The following NIPBL variants were observed in gnomAD, a reference collection of about 807,000 sequenced individuals.
NIPBL encodes the protein NIPBL cohesin loading factor.
Under a neutral mutation model 321.8 loss-of-function variants are expected in NIPBL, and 19 were observed. The ratio of observed to expected loss-of-function variants is 0.06; its 90% CI spans 0.04 to 0.09. The LOEUF (loss-of-function observed/expected upper bound fraction) is 0.09, where lower values mean the gene tolerates loss of function less well. Ranked by LOEUF, NIPBL falls within the 10% of genes least tolerant of loss-of-function variation. NIPBL has a pLI of 1.00. For missense variants in NIPBL, 2,210 were observed against 3,327.0 expected (o/e 0.66, Z 8.26); for synonymous variants, 1,106 against 1,114.1 (o/e 0.99, Z 0.14).
chr5:36,897,752 AT>A (rs1380740854), intron 1 of NIPBL, among the ~76,000 whole-genome samples: 1 of 152,202 alleles, frequency 6.6e-6, no homozygotes, highest in East Asian at 1.9e-4. Flanking sequence ...TGTTGCGGAA[AT>A]AAATAAATGC....
chr5:36,959,125 T>C (rs1277251751), intron 4 of NIPBL, among the ~76,000 whole-genome samples: 1 of 152,172 alleles, frequency 6.6e-6, no homozygotes, highest in African/African-American at 2.4e-5. Context: ...GAAGATCGCT[T>C]GAGCTCAGGA....
chr5:36,999,050 G>A (rs1746485227), intron 11 of NIPBL, among the ~76,000 whole-genome samples: 1 of 152,156 alleles, frequency 6.6e-6, no homozygotes, highest in Non-Finnish European at 1.5e-5. Flanking sequence ...AGATTAGCTA[G>A]AAGAGTCCAG....
chr5:36,971,793 C>T, intron 7 of NIPBL, 152 bp from the exon 8 acceptor site: 2 of 1,449,802 alleles, frequency 1.4e-6, no homozygotes. Context: ...CTAAGATATA[C>T]CAAGAAGAAA....
At chr5:36,903,477 T>C (rs752030428) in intron 1 of NIPBL, among the ~76,000 whole-genome samples, 1 of 152,192 alleles carries the variant, frequency 6.6e-6, no homozygotes, top group Non-Finnish European at 1.5e-5. Flanking sequence ...ATTATTTTCA[T>C]ATTGTAATTA....
chr5:36,938,948 A>G (rs994807865), intron 1 of NIPBL, among the ~76,000 whole-genome samples: 2 of 152,102 alleles, frequency 1.3e-5, no homozygotes, highest in African/African-American at 2.4e-5. Flanking sequence ...TCAACTTACT[A>G]TTCTATCACT....
intron 1 of NIPBL, among the ~76,000 whole-genome samples, chr5:36,931,887 A>G (rs1052668806): frequency 6.6e-6 from 1 of 151,558 alleles, no homozygotes; most frequent in Non-Finnish European, 1.5e-5. Flanking sequence ...GTATGGAAGC[A>G]TAAATACTGA....
intron 21 of NIPBL, 129 bp from the exon 22 acceptor site, chr5:37,014,554 A>G (rs1440301710): frequency 3.3e-6 from 2 of 609,102 alleles, no homozygotes; most frequent in Admixed American, 2.8e-5. Context: ...CTCTTATTAT[A>G]TATAATGTAA....
intron 22 of NIPBL, 79 bp from the exon 23 acceptor site, chr5:37,015,959 A>G (rs889309531): frequency 1.0e-4 from 151 of 1,449,868 alleles, no homozygotes; most frequent in Non-Finnish European, 1.4e-4. Flanking sequence ...TTAGCTAACA[A>G]TTTCAATCAT....
chr5:36,897,862 C>A (rs1580173944), intron 1 of NIPBL, among the ~76,000 whole-genome samples: 3 of 131,928 alleles, frequency 2.3e-5, no homozygotes, highest in Middle Eastern at 4.9e-3. Context: ...TTCAGTAGTG[C>A]ATCTGGAAAG....
At chr5:36,917,194 C>T (rs1748530597) in intron 1 of NIPBL, among the ~76,000 whole-genome samples, 1 of 150,952 alleles carries the variant, frequency 6.6e-6, no homozygotes, top group African/African-American at 2.4e-5. Flanking sequence ...GATCGCCATT[C>T]TAATTGGTAT....
Position 36,958,009 on chromosome 5 carries a change from T to C in NIPBL, c.231-95T>C, listed in dbSNP as rs1012529515. 43 of 1,266,400 alleles carry C rather than the reference T, an allele frequency of 3.4e-5. 1 individual carries two copies. The Admixed American group carries it at 6.7e-4, about 20-fold the overall frequency. 78.4% of individuals were successfully genotyped at this position (1,266,400 alleles called of 1,614,324 possible). ...AAAAAAAAAAAAAAAAAATTCATAT[T>C]GTTGGCCATACCAGTGTGATTTACT... On this transcript the variant is annotated intron_variant, in intron 3 of 46. Coordinates refer to ENST00000282516, the MANE Select transcript of NIPBL (RefSeq NM_133433.4).
At chr5:36,963,416 C>T (rs1741847291) in intron 6 of NIPBL, among the ~76,000 whole-genome samples, 1 of 152,118 alleles carries the variant, frequency 6.6e-6, no homozygotes. Context: ...AAACAGCTAA[C>T]TCTGGTTTCC....
chr5:36,970,561 AT>A (rs1742744131), intron 6 of NIPBL, among the ~76,000 whole-genome samples: 1 of 151,940 alleles, frequency 6.6e-6, no homozygotes. Context: ...TAGCAAAGGT[AT>A]AAAGATAACA....
chr5:36,959,068 A>G (rs556864341), intron 4 of NIPBL, among the ~76,000 whole-genome samples: 2 of 152,230 alleles, frequency 1.3e-5, no homozygotes, highest in South Asian at 4.1e-4. Context: ...CTAGCCAGGC[A>G]TTATGGTGTG....
At chr5:37,036,335 GTATATATATATGTATA>G in intron 32 of NIPBL, 28 bp from the exon 33 acceptor site, 2 of 456,850 alleles carry the variant, frequency 4.4e-6, no homozygotes, top group Non-Finnish European at 6.3e-6. Context: ...TTTCTTTTTT[GTATATATATATGTATA>G]TATATATATA....
chr5:37,003,143 T>C (rs990381646), intron 15 of NIPBL, 118 bp from the exon 16 acceptor site: 20 of 682,998 alleles, frequency 2.9e-5, no homozygotes, highest in Non-Finnish European at 4.7e-5. Context: ...TCTTACTCTT[T>C]AAGAGGGTGA....
chr5:37,017,608 CT>C (rs60984195), intron 24 of NIPBL, among the ~76,000 whole-genome samples: 350 of 131,934 alleles, frequency 2.7e-3, no homozygotes, highest in Admixed American at 3.1e-3. Context: ...TGTTTTATTG[CT>C]TTTTTTTTTT....
chr5:36,941,817 A>G lies in NIPBL; in HGVS notation c.-79-11801A>G, dbSNP rs143189450. Among the ~76,000 whole-genome samples, 619 of 152,292 alleles carry G rather than the reference A, an allele frequency of 4.1e-3. 1 individual carries two copies. The highest frequency in any genetic ancestry group is 0.014 in the African/African-American group (577 of 41,570). ...TGAAAAATTGATATTACAGAACTAA[A>G]TTTTTAAAAGTTTATGTACAGAAAG... On this transcript the variant is annotated intron_variant, in intron 1 of 46. Coordinates refer to ENST00000282516, the MANE Select transcript of NIPBL (RefSeq NM_133433.4).
Position 37,014,757 on chromosome 5 carries a change from C to T in NIPBL, c.4635C>T (p.Phe1545=), listed in dbSNP as rs777362486. The change falls in exon 22 of 47, where the codon TTC becomes TTT. Residue 1545 remains phenylalanine (F), a synonymous_variant. Coordinates refer to ENST00000282516, the MANE Select transcript of NIPBL (RefSeq NM_133433.4). ...CAGCCCAAAACTTCCTCTCCATCTT[C>T]CTTAAAAAGTGAGTAAAATTAATAT... is the stretch of plus-strand genomic sequence containing the variant. The part of the protein sequence containing the change: ...MRTAQNFLSI[F]LKKCGSKQGE... 1.3e-6 allele frequency: 2 copies of T among 1,584,252 alleles called. No individual in the cohort carries two copies. The highest frequency in any genetic ancestry group is 1.3e-5 in the African/African-American group (1 of 74,318).
Sources: gnomAD v4.1 joint callset for allele counts (sites outside exome capture counted in the v4.1 genomes callset) on GRCh38, gnomAD v4.1.1 for gene constraint, MANE v1.5 for transcripts, NCBI Gene and HGNC (gene_info 2026-07-23, HGNC 2026-07-21) for gene names.